Variants in CHD1 observed in about 807,000 individuals in gnomAD.
The protein encoded by CHD1 is chromodomain helicase DNA binding protein 1.
Under a neutral mutation model 224.2 loss-of-function variants are expected in CHD1, and 36 were observed. The observed-to-expected ratio is 0.16, with a 90% confidence interval of 0.12 to 0.21. CHD1 has a LOEUF of 0.21. CHD1 is among the 10% of genes least tolerant of loss of function. The pLI, the probability that CHD1 is intolerant of heterozygous loss-of-function variation, is 1.00. For synonymous variants in CHD1, 668 were observed against 658.3 expected (o/e 1.01, Z -0.23); for missense variants, 1,378 against 1,994.8 (o/e 0.69, Z 5.89).
intron 23 of CHD1, among the ~76,000 whole-genome samples, chr5:98,877,729 T>A (rs1199191378): frequency 6.6e-6 from 1 of 152,152 alleles, no homozygotes; most frequent in Non-Finnish European, 1.5e-5. Context: ...TGCTGCATTC[T>A]CACACACTCT....
At chr5:98,903,224 CATT>C (rs1323066231) in intron 4 of CHD1, among the ~76,000 whole-genome samples, 2 of 152,068 alleles carry the variant, frequency 1.3e-5, no homozygotes, top group Admixed American at 1.3e-4. Context: ...CACTGGAGAC[CATT>C]ATTGTTGCCT....
At chr5:98,928,466 G>A in intron 1 of CHD1, 73 bp downstream of exon 1, 1 of 153,176 alleles carries the variant, frequency 6.5e-6, no homozygotes, top group Non-Finnish European at 1.4e-5. Flanking sequence ...GCACCGCGCC[G>A]CGCCCGCCCT....
chr5:98,902,853 T>C, intron 5 of CHD1, 47 bp downstream of exon 5: 1 of 1,172,358 alleles, frequency 8.5e-7, no homozygotes. Context: ...TATGAAATAA[T>C]CAGGATTTTT....
chr5:98,861,665 C>G (rs1162702437), intron 32 of CHD1, among the ~76,000 whole-genome samples: 1 of 150,588 alleles, frequency 6.6e-6, no homozygotes, highest in African/African-American at 2.4e-5. Flanking sequence ...CCATGCCCGA[C>G]TACTTTTTTT....
intron 9 of CHD1, 79 bp downstream of exon 9, chr5:98,898,585 G>T: frequency 8.2e-7 from 1 of 1,223,902 alleles, no homozygotes; most frequent in Non-Finnish European, 1.2e-6. Flanking sequence ...TGTTTGATAT[G>T]TAAGTGGCAA....
chr5:98,925,260 A>G (rs1172721136), intron 2 of CHD1, among the ~76,000 whole-genome samples: 1 of 152,084 alleles, frequency 6.6e-6, no homozygotes. Context: ...ATTTTTTTTA[A>G]ATTTTATTTT....
chr5:98,870,656 A>T (rs557302133), intron 29 of CHD1, 31 bp downstream of exon 29: 1 of 1,294,154 alleles, frequency 7.7e-7, no homozygotes, highest in Non-Finnish European at 1.1e-6. Flanking sequence ...TAAAAAGTAA[A>T]CTGGTCTTAG....
intron 22 of CHD1, among the ~76,000 whole-genome samples, chr5:98,879,974 T>A (rs1208769415): frequency 6.6e-6 from 1 of 152,228 alleles, no homozygotes; most frequent in African/African-American, 2.4e-5. Flanking sequence ...ATTAGTAGCA[T>A]CACAGAACTA....
intron 25 of CHD1, 27 bp from the exon 26 acceptor site, chr5:98,873,750 G>A: frequency 6.3e-7 from 1 of 1,585,794 alleles, no homozygotes; most frequent in Non-Finnish European, 8.6e-7. Flanking sequence ...CAATTTTCAG[G>A]TAAATATGTT....
At chr5:98,889,282 A>G (rs1329650553) in intron 15 of CHD1, 44 bp from the exon 16 acceptor site, 1 of 1,384,690 alleles carries the variant, frequency 7.2e-7, no homozygotes, top group Non-Finnish European at 9.9e-7. Context: ...CAGAACAATT[A>G]CCAGGATAAA....
chr5:98,865,471 A>G (rs1292177888), intron 31 of CHD1, among the ~76,000 whole-genome samples: 5 of 152,236 alleles, frequency 3.3e-5, no homozygotes, highest in Admixed American at 1.3e-4. Context: ...GATGGAAGCA[A>G]TAAGAACAGA....
At chr5:98,867,310 T>C (rs373482009) in intron 31 of CHD1, among the ~76,000 whole-genome samples, 5 of 152,302 alleles carry the variant, frequency 3.3e-5, no homozygotes, top group African/African-American at 9.6e-5. Flanking sequence ...ACAAGAGATA[T>C]TGCCAGTCCA....
rs1554081078 is a variant in CHD1, at chr5:98,911,146, A to ATATATATATATATAT, written c.54-6049_54-6048insATATATATATATATA. 1.5e-3 allele frequency among the ~76,000 whole-genome samples: 59 copies of ATATATATATATATAT among 39,072 alleles called. 1 individual carries two copies. The highest frequency in any genetic ancestry group is 1.7e-3 in the Non-Finnish European group (38 of 22,212). 25.6% of individuals were successfully genotyped at this position (39,072 alleles called of 152,430 possible). On this transcript the variant is annotated intron_variant, in intron 2 of 35. Coordinates refer to ENST00000614616, the MANE Select transcript of CHD1 (RefSeq NM_001270.4). The stretch of plus-strand genomic sequence containing the variant: ...TGCTAAAATGAAAAAAAAAAAAAAA[A>ATATATATATATATAT]ATATATATATATATATATATATATA...
In CHD1 at chr5:98,892,662, A is replaced by G; in HGVS notation, c.2043T>C (p.Tyr681=). 1.9e-6 allele frequency: 3 copies of G among 1,612,620 alleles called. No homozygotes were observed. Among genetic ancestry groups the G allele is most frequent in the Non-Finnish European group, 2.5e-6 (3 of 1,178,998 alleles). ...GCTCCTTGTGAAGGCTTGCATAACC[A>G]TATTCTCTCCCTTTGCCATGTTCTT... ...FEEEHGKGRE[Y]GYASLHKELE... The change falls in exon 15 of 36, where the codon TAT becomes TAC. Residue 681 remains tyrosine, a synonymous_variant. Transcript: ENST00000614616.
chr5:98,869,729 T>C (rs372323901), intron 30 of CHD1, 25 bp downstream of exon 30: 34 of 1,609,098 alleles, frequency 2.1e-5, no homozygotes, highest in African/African-American at 1.9e-4. Flanking sequence ...ATAGAAAAGG[T>C]TGTTGTTCTA....
chr5:98,900,755 T>C, intron 7 of CHD1, 56 bp downstream of exon 7: 3 of 1,494,640 alleles, frequency 2.0e-6, no homozygotes, highest in Non-Finnish European at 2.7e-6. Context: ...CCCAGCCCTC[T>C]ACTCCTGTAA....
intron 2 of CHD1, among the ~76,000 whole-genome samples, chr5:98,917,701 ACT>A (rs1005568254): frequency 6.6e-6 from 1 of 152,218 alleles, no homozygotes; most frequent in Non-Finnish European, 1.5e-5. Flanking sequence ...AGAAGTCAGT[ACT>A]GTTTGAATAG....
chr5:98,886,499 AATTATT>A (rs1208940984), intron 17 of CHD1, among the ~76,000 whole-genome samples: 4 of 152,186 alleles, frequency 2.6e-5, no homozygotes, highest in Non-Finnish European at 4.4e-5. Context: ...ATGATTTTAT[AATTATT>A]AACTGGTTAT....
In CHD1 at chr5:98,858,311, CTGAGT is replaced by C. The variant is rs1561473638; in HGVS notation, c.4651_4655del (p.Thr1551ValfsTer3). ...GTCGGTCTTTATGATGATCATGGTA[CTGAGT>C]TAAGTGTCTATCAGAGGAATAACTG... On this transcript the variant is annotated frameshift_variant, in exon 35 of 36. Coordinates refer to ENST00000614616, the MANE Select transcript of CHD1 (RefSeq NM_001270.4). LOFTEE classifies it high-confidence loss of function. 6.2e-7 allele frequency: 1 copy of C among 1,613,004 alleles called. No individual in the cohort carries two copies. The highest frequency in any genetic ancestry group is 2.2e-5 in the East Asian group (1 of 44,836).
Sources: gnomAD v4.1 joint callset for allele counts (sites outside exome capture counted in the v4.1 genomes callset) on GRCh38, gnomAD v4.1.1 for gene constraint, MANE v1.5 for transcripts, NCBI Gene and HGNC (gene_info 2026-07-23, HGNC 2026-07-21) for gene names.